The following PPP2R2B variants were observed in gnomAD, a reference collection of about 807,000 sequenced individuals.
PPP2R2B encodes protein phosphatase 2 regulatory subunit Bbeta.
In PPP2R2B, 5 loss-of-function variants were observed where a neutral mutation model predicts 46.0. The ratio of observed to expected loss-of-function variants is 0.11; its 90% CI spans 0.06 to 0.23. The LOEUF (loss-of-function observed/expected upper bound fraction) is 0.23. Among genes scored for constraint, PPP2R2B ranks in the 10% least tolerant of loss-of-function variants. The probability of loss-of-function intolerance (pLI) is 1.00; values close to 1 mark genes in which losing one functional copy is unlikely to be tolerated. For missense variants in PPP2R2B, 367 were observed against 575.0 expected (o/e 0.64, Z 3.70); for synonymous variants, 215 against 206.7 (o/e 1.04, Z -0.34).
chr5:146,901,176 A>G (rs983387368), intron 1 of PPP2R2B, among the ~76,000 whole-genome samples: 1 of 152,284 alleles, frequency 6.6e-6, no homozygotes, highest in East Asian at 1.9e-4. Flanking sequence ...TCCATTACAG[A>G]TAGTTAACTT....
At chr5:146,970,885 C>T (rs1752633961) in intron 1 of PPP2R2B, among the ~76,000 whole-genome samples, 1 of 151,546 alleles carries the variant, frequency 6.6e-6, no homozygotes, top group Non-Finnish European at 1.5e-5. Flanking sequence ...TTAGAAAATA[C>T]AGAGAAGAAA....
chr5:147,030,276 T>C (rs1755719299), intron 1 of PPP2R2B, among the ~76,000 whole-genome samples: 1 of 152,192 alleles, frequency 6.6e-6, no homozygotes, highest in Admixed American at 6.5e-5. Context: ...CCCAAATCAT[T>C]TTAAATGTTT....
In PPP2R2B at chr5:146,975,884, A is replaced by G. The variant is rs559909255; in HGVS notation, c.79+79781T>C. Reference sequence around the variant, plus strand: ...TACATATTCTGCATATTGATCCCTTATCAGATATATAATTTGCAAATATTT... The same window carrying G: ...TACATATTCTGCATATTGATCCCTTGTCAGATATATAATTTGCAAATATTT... On this transcript the variant is annotated intron_variant, in intron 1 of 8. Coordinates refer to the PPP2R2B transcript ENST00000336640. Among the ~76,000 whole-genome samples, 5 of 151,948 alleles carry G rather than the reference A, an allele frequency of 3.3e-5. No individual in the cohort carries two copies. The South Asian group carries it at 1.0e-3, about 32-fold the overall frequency.
intron 2 of PPP2R2B, among the ~76,000 whole-genome samples, chr5:146,742,801 G>A (rs1257896221): frequency 6.6e-6 from 1 of 152,076 alleles, no homozygotes; most frequent in Non-Finnish European, 1.5e-5. Context: ...TATGACTAGT[G>A]TCCTTATAAA....
In PPP2R2B at chr5:146,992,732, T is replaced by C. The variant is rs774005558; in HGVS notation, c.79+62933A>G. On this transcript the variant is annotated intron_variant, in intron 1 of 8. Transcript: ENST00000336640. ...TGGCTTCCTACATGGAATTCTCTGA[T>C]CTCACCCCAGTGGGATGTTGAGATA... Among the ~76,000 whole-genome samples the C allele has an allele frequency of 1.4e-4, 21 of 152,324 alleles. 1 individual carries two copies. In the South Asian group the frequency reaches 1.9e-3, roughly 14 times the overall value.
In PPP2R2B at chr5:146,618,838, G is replaced by A. The variant is rs531783863; in HGVS notation, c.791-18378C>T. On this transcript the variant is annotated intron_variant, in intron 7 of 9. Transcript: ENST00000394411. ...CCCAGCGGCTGCAAAGGCAGAGCAA[G>A]CCAAACTCCTCAGAGACATCAGGGC... 2.0e-5 allele frequency among the ~76,000 whole-genome samples: 3 copies of A among 152,162 alleles called. No individual in the cohort carries two copies. In the East Asian group the frequency reaches 5.8e-4, roughly 30 times the overall value.
intron 2 of PPP2R2B, among the ~76,000 whole-genome samples, chr5:146,749,026 T>C (rs1753370797): frequency 6.6e-6 from 1 of 152,244 alleles, no homozygotes; most frequent in Non-Finnish European, 1.5e-5. Flanking sequence ...ACATTTTACA[T>C]TCCTATCAAA....
intron 7 of PPP2R2B, among the ~76,000 whole-genome samples, chr5:146,622,719 A>C (rs1292015264): frequency 6.6e-6 from 1 of 152,214 alleles, no homozygotes; most frequent in African/African-American, 2.4e-5. Flanking sequence ...TTGAGTTGGA[A>C]ACAATCACTT....
intron 1 of PPP2R2B, among the ~76,000 whole-genome samples, chr5:146,926,282 G>T (rs1459372963): frequency 6.6e-6 from 1 of 151,796 alleles, no homozygotes; most frequent in African/African-American, 2.4e-5. Flanking sequence ...CTGGTATTTT[G>T]TTTGTAACTT....
chr5:146,733,955 G>A (rs543858966), intron 2 of PPP2R2B, among the ~76,000 whole-genome samples: 3 of 152,242 alleles, frequency 2.0e-5, no homozygotes, highest in Non-Finnish European at 4.4e-5. Flanking sequence ...AATAGTAGTG[G>A]TAGTAATAAC....
intron 2 of PPP2R2B, among the ~76,000 whole-genome samples, chr5:146,749,287 T>C (rs1207160598): frequency 6.6e-6 from 1 of 152,226 alleles, no homozygotes; most frequent in African/African-American, 2.4e-5. Context: ...TATATTTTGG[T>C]AACTAGTCTT....
chr5:147,035,136 G>C (rs1173831713), intron 1 of PPP2R2B: 1 of 455,308 alleles, frequency 2.2e-6, no homozygotes, highest in African/African-American at 2.0e-5. Context: ...CCTGAGACTG[G>C]GTAAATTATA....
At chr5:146,947,023 G>C (rs1176507752) in intron 1 of PPP2R2B, among the ~76,000 whole-genome samples, 1 of 151,546 alleles carries the variant, frequency 6.6e-6, no homozygotes. Context: ...AGGAAAGACA[G>C]CAACCTGCTC....
rs150076354 is a variant in PPP2R2B, at chr5:146,621,056, G to A, written c.790+17195C>T. Among the ~76,000 whole-genome samples, 273 of 152,362 alleles carry A rather than the reference G, an allele frequency of 1.8e-3. 1 individual carries two copies. Among genetic ancestry groups the A allele is most frequent in the Non-Finnish European group, 1.1e-3 (78 of 68,034 alleles). On this transcript the variant is annotated intron_variant, in intron 7 of 9. Transcript: ENST00000394411. The stretch of plus-strand genomic sequence containing the variant: ...GTGATCTCCCTGCAGAGCAAGGTGA[G>A]CAGTTCACAGCTGAGTACGACAGCC...
At chr5:146,706,794 G>T in intron 2 of PPP2R2B, 1 of 843,476 alleles carries the variant, frequency 1.2e-6, no homozygotes. Context: ...GCCTCAGCCC[G>T]ACTGCGGTTG....
chr5:147,051,153 C>T (rs1282960534), intron 1 of PPP2R2B, among the ~76,000 whole-genome samples: 1 of 152,176 alleles, frequency 6.6e-6, no homozygotes, highest in Non-Finnish European at 1.5e-5. Flanking sequence ...TGTTCTCATA[C>T]TCAGAAGGAA....
At chr5:147,053,591 T>A (rs1406708130) in intron 1 of PPP2R2B, among the ~76,000 whole-genome samples, 1 of 142,070 alleles carries the variant, frequency 7.0e-6, no homozygotes, top group African/African-American at 2.5e-5. Context: ...TGTATACTGA[T>A]CACTTTTTTC....
At chr5:146,862,669 A>C (rs1761071587) in intron 2 of PPP2R2B, among the ~76,000 whole-genome samples, 1 of 152,182 alleles carries the variant, frequency 6.6e-6, no homozygotes, top group African/African-American at 2.4e-5. Flanking sequence ...GAGAGACTTA[A>C]AAGATGAGAG....
chr5:146,792,021 G>A (rs1756232610), intron 2 of PPP2R2B, among the ~76,000 whole-genome samples: 2 of 152,270 alleles, frequency 1.3e-5, no homozygotes, highest in Non-Finnish European at 2.9e-5. Flanking sequence ...GTTAGGAGAT[G>A]TTTCCTAAGG....
Sources: allele counts gnomAD v4.1 joint callset (sites outside exome capture counted in the v4.1 genomes callset), GRCh38; gene constraint gnomAD v4.1.1; transcripts MANE v1.5; gene names NCBI Gene and HGNC (gene_info 2026-07-23, HGNC 2026-07-21).